The following INPP4B variants were observed in gnomAD, a reference collection of about 807,000 sequenced individuals.
The protein encoded by INPP4B is inositol polyphosphate-4-phosphatase type II B.
INPP4B carries 55 observed loss-of-function variants against 122.5 expected under a neutral mutation model. The ratio of observed to expected loss-of-function variants is 0.45; its 90% CI spans 0.36 to 0.56. The LOEUF (loss-of-function observed/expected upper bound fraction) is 0.56. Among genes scored for constraint, INPP4B ranks in the 20% least tolerant of loss-of-function variants. INPP4B has a pLI of 0.00. For missense variants in INPP4B, 1,000 were observed against 1,097.7 expected (o/e 0.91, Z 1.26); for synonymous variants, 403 against 388.7 (o/e 1.04, Z -0.43).
intron 1 of INPP4B, among the ~76,000 whole-genome samples, chr4:142,817,754 G>T (rs1291077866): frequency 6.6e-6 from 1 of 152,096 alleles, no homozygotes; most frequent in African/African-American, 2.4e-5. Flanking sequence ...CATTTCTTGG[G>T]TCTCTTCCAT....
chr4:142,826,006 T>C (rs1270940973), intron 1 of INPP4B, among the ~76,000 whole-genome samples: 1 of 152,190 alleles, frequency 6.6e-6, no homozygotes, highest in Non-Finnish European at 1.5e-5. Context: ...TTTGTTTATA[T>C]GCCCTGTTCT....
At chr4:142,425,421 C>T (rs1807825703) in intron 5 of INPP4B, among the ~76,000 whole-genome samples, 2 of 151,312 alleles carry the variant, frequency 1.3e-5, no homozygotes, top group East Asian at 3.9e-4. Context: ...TTCACTGTGG[C>T]TTTTTTTTTC....
intron 25 of INPP4B, chr4:142,030,252 C>T (rs911641627): frequency 6.5e-7 from 1 of 1,535,408 alleles, no homozygotes; most frequent in South Asian, 1.2e-5. Context: ...ATCAGTTAGA[C>T]AGCCTGTTTC....
chr4:142,097,611 T>G (rs894664055), intron 23 of INPP4B, among the ~76,000 whole-genome samples: 13 of 152,068 alleles, frequency 8.5e-5, no homozygotes, highest in African/African-American at 3.1e-4. Flanking sequence ...AGTTGAGTGG[T>G]GATGAGATCA....
intron 7 of INPP4B, among the ~76,000 whole-genome samples, chr4:142,336,467 A>G (rs2646092): frequency 0.96 from 146,878 of 152,314 alleles, 71,064 homozygotes; most frequent in East Asian, 1. Context: ...TGGCGGGACC[A>G]AACACGTTTC....
chr4:142,050,617 C>T (rs990144987), intron 25 of INPP4B, among the ~76,000 whole-genome samples: 8 of 151,908 alleles, frequency 5.3e-5, no homozygotes, highest in African/African-American at 1.5e-4. Flanking sequence ...AGGTCTGAAT[C>T]GGGCTTATTC....
intron 15 of INPP4B, among the ~76,000 whole-genome samples, chr4:142,184,397 C>G (rs545522272): frequency 6.6e-6 from 1 of 152,120 alleles, no homozygotes; most frequent in Non-Finnish European, 1.5e-5. Context: ...GTTTTCAAAG[C>G]CTATAAGACA....
intron 1 of INPP4B, among the ~76,000 whole-genome samples, chr4:142,737,861 C>A (rs1028247615): frequency 3.0e-4 from 46 of 152,290 alleles, no homozygotes; most frequent in African/African-American, 9.9e-4. Context: ...TGAAAAAATG[C>A]TCATCATCAC....
At chr4:142,419,394 T>A (rs979559116) in intron 5 of INPP4B, among the ~76,000 whole-genome samples, 3 of 152,106 alleles carry the variant, frequency 2.0e-5, no homozygotes, top group Non-Finnish European at 4.4e-5. Flanking sequence ...AAACTGACAT[T>A]CTAAATTTGA....
intron 2 of INPP4B, among the ~76,000 whole-genome samples, chr4:142,477,847 T>C (rs1580166810): frequency 6.6e-6 from 1 of 152,178 alleles, no homozygotes; most frequent in Non-Finnish European, 1.5e-5. Flanking sequence ...CTATCAGATA[T>C]ATAAAGAAGA....
chr4:142,754,128 C>A (rs1183226256), intron 1 of INPP4B, among the ~76,000 whole-genome samples: 1 of 152,036 alleles, frequency 6.6e-6, no homozygotes, highest in Admixed American at 6.6e-5. Context: ...TCCAAACTTG[C>A]TGATCTGGAA....
At chr4:142,604,077 G>A (rs754850858) in intron 2 of INPP4B, among the ~76,000 whole-genome samples, 33 of 151,942 alleles carry the variant, frequency 2.2e-4, no homozygotes, top group African/African-American at 7.3e-4. Flanking sequence ...TTCAATACAC[G>A]CAAATCAATA....
chr4:142,462,279 AT>A (rs1295259073), intron 3 of INPP4B, among the ~76,000 whole-genome samples: 1 of 152,156 alleles, frequency 6.6e-6, no homozygotes, highest in African/African-American at 2.4e-5. Flanking sequence ...TTACTTATAT[AT>A]TGATATCTAC....
At chr4:142,241,557 A>G (rs950249375) in intron 11 of INPP4B, among the ~76,000 whole-genome samples, 1 of 152,182 alleles carries the variant, frequency 6.6e-6, no homozygotes, top group Non-Finnish European at 1.5e-5. Flanking sequence ...CTGCTTTTTC[A>G]TGGGATTCAG....
chr4:142,668,094 G>C (rs1756419795), intron 2 of INPP4B, among the ~76,000 whole-genome samples: 1 of 151,986 alleles, frequency 6.6e-6, no homozygotes, highest in Non-Finnish European at 1.5e-5. Flanking sequence ...AAAACTACAG[G>C]CCAATATTCC....
chr4:142,789,613 C>A (rs1280477845), intron 1 of INPP4B, among the ~76,000 whole-genome samples: 1 of 152,080 alleles, frequency 6.6e-6, no homozygotes, highest in Non-Finnish European at 1.5e-5. Flanking sequence ...GAAACACATT[C>A]CATGCTCATG....
intron 15 of INPP4B, among the ~76,000 whole-genome samples, chr4:142,176,028 T>A (rs895074607): frequency 2.0e-5 from 3 of 151,854 alleles, no homozygotes; most frequent in African/African-American, 2.4e-5. Flanking sequence ...TATGGCTATT[T>A]ACAGGCTCCC....
At chr4:142,282,851 G>A (rs2172025) in intron 9 of INPP4B, among the ~76,000 whole-genome samples, 5,802 of 152,128 alleles carry the variant, frequency 0.038, 361 homozygotes, top group African/African-American at 0.13. Context: ...TAGAGCAGCT[G>A]CACCAGGGGC....
At chr4:142,201,351 C>T (rs1198294989) in intron 14 of INPP4B, among the ~76,000 whole-genome samples, 1 of 152,026 alleles carries the variant, frequency 6.6e-6, no homozygotes, top group Non-Finnish European at 1.5e-5. Context: ...AAACTGGTCA[C>T]TCAAATTGTT....
Sources: allele counts gnomAD v4.1 joint callset (sites outside exome capture counted in the v4.1 genomes callset), GRCh38; gene constraint gnomAD v4.1.1; transcripts MANE v1.5; gene names NCBI Gene and HGNC (gene_info 2026-07-23, HGNC 2026-07-21).